SLC9A9: variants seen among roughly 807,000 people sequenced by gnomAD.
SLC9A9 encodes the protein solute carrier family 9 member A9.
A neutral mutation model predicts 77.8 loss-of-function variants in SLC9A9; 62 were observed. The observed-to-expected ratio is 0.80, with a 90% confidence interval of 0.65 to 0.98. The LOEUF (loss-of-function observed/expected upper bound fraction) is 0.98, where lower values mean the gene tolerates loss of function less well. Ranked by LOEUF, SLC9A9 falls within the 50% of genes least tolerant of loss-of-function variation. The probability of loss-of-function intolerance (pLI) is 0.00; values close to 1 mark genes in which losing one functional copy is unlikely to be tolerated. For synonymous variants in SLC9A9, 320 were observed against 283.5 expected (o/e 1.13, Z -1.29); for missense variants, 775 against 774.9 (o/e 1.00, Z 0.00).
intron 12 of SLC9A9, among the ~76,000 whole-genome samples, chr3:143,394,221 G>A (rs1171255839): frequency 1.3e-5 from 2 of 152,120 alleles, no homozygotes; most frequent in Non-Finnish European, 2.9e-5. Flanking sequence ...CTGGCAAACT[G>A]AATCCAGCGG....
At chr3:143,638,766 T>C (rs1289426202) in intron 6 of SLC9A9, among the ~76,000 whole-genome samples, 2 of 152,254 alleles carry the variant, frequency 1.3e-5, no homozygotes, top group South Asian at 2.1e-4. Context: ...GAATTCACCC[T>C]CTATTGCTGA....
intron 2 of SLC9A9, among the ~76,000 whole-genome samples, chr3:143,830,761 T>G (rs963413455): frequency 4.6e-5 from 7 of 152,178 alleles, no homozygotes; most frequent in African/African-American, 7.2e-5. Context: ...AATATTTATT[T>G]TAAAAGAGAT....
chr3:143,605,585 G>A (rs1465626227), intron 6 of SLC9A9, among the ~76,000 whole-genome samples: 1 of 152,238 alleles, frequency 6.6e-6, no homozygotes, highest in African/African-American at 2.4e-5. Flanking sequence ...GATTTAAGCT[G>A]TGTGTGGACT....
At chr3:143,514,997 A>G (rs1221526041) in intron 9 of SLC9A9, among the ~76,000 whole-genome samples, 1 of 152,128 alleles carries the variant, frequency 6.6e-6, no homozygotes, top group Admixed American at 6.5e-5. Flanking sequence ...TTCCTCACTA[A>G]GCTTAATCAT....
intron 8 of SLC9A9, among the ~76,000 whole-genome samples, chr3:143,555,769 T>A (rs536618031): frequency 1.2e-4 from 18 of 152,356 alleles, no homozygotes; most frequent in African/African-American, 4.3e-4. Flanking sequence ...GCATTGGTTA[T>A]CATTTCCTTG....
chr3:143,430,723 G>A (rs1256667057), intron 12 of SLC9A9, among the ~76,000 whole-genome samples: 1 of 152,210 alleles, frequency 6.6e-6, no homozygotes, highest in African/African-American at 2.4e-5. Flanking sequence ...TTGGTTAGCT[G>A]ACATACACCA....
chr3:143,670,310 C>A (rs1264390692), intron 5 of SLC9A9, among the ~76,000 whole-genome samples: 3 of 152,100 alleles, frequency 2.0e-5, no homozygotes, highest in Non-Finnish European at 4.4e-5. Context: ...CGGATGGAGC[C>A]CTGATGCAGT....
chr3:143,804,821 C>T (rs1232322478), intron 2 of SLC9A9, among the ~76,000 whole-genome samples: 2 of 152,200 alleles, frequency 1.3e-5, no homozygotes, highest in South Asian at 2.1e-4. Context: ...ACCTCTGTCA[C>T]GACCTTCCGT....
chr3:143,782,406 C>A (rs914119574), intron 4 of SLC9A9, among the ~76,000 whole-genome samples: 1 of 152,176 alleles, frequency 6.6e-6, no homozygotes, highest in Non-Finnish European at 1.5e-5. Context: ...TTCTAACAGG[C>A]TCCTGGTGCC....
chr3:143,377,517 C>T (rs140332780), intron 13 of SLC9A9, among the ~76,000 whole-genome samples: 11 of 152,256 alleles, frequency 7.2e-5, no homozygotes, highest in East Asian at 1.9e-4. Context: ...GTGACCAGAA[C>T]GGATCCACCC....
intron 6 of SLC9A9, among the ~76,000 whole-genome samples, chr3:143,598,107 CT>C (rs1000273447): frequency 4.5e-4 from 66 of 147,302 alleles, no homozygotes; most frequent in Admixed American, 6.1e-4. Context: ...CAACTTTTAT[CT>C]TTTTTTTTTT....
chr3:143,701,684 G>C (rs1933806109), intron 4 of SLC9A9, among the ~76,000 whole-genome samples: 1 of 151,966 alleles, frequency 6.6e-6, no homozygotes, highest in Non-Finnish European at 1.5e-5. Flanking sequence ...GCCTCAAAAG[G>C]GCAAATTTAA....
At chr3:143,453,932 G>T (rs963655637) in intron 12 of SLC9A9, among the ~76,000 whole-genome samples, 1 of 152,138 alleles carries the variant, frequency 6.6e-6, no homozygotes, top group African/African-American at 2.4e-5. Context: ...GGGTTTGAAG[G>T]AGGAAGTTTG....
At chr3:143,667,216 A>G (rs1298310202) in intron 5 of SLC9A9, among the ~76,000 whole-genome samples, 1 of 152,240 alleles carries the variant, frequency 6.6e-6, no homozygotes, top group African/African-American at 2.4e-5. Context: ...AACCTGACCA[A>G]AAAAGAAATG....
intron 4 of SLC9A9, among the ~76,000 whole-genome samples, chr3:143,767,663 C>A (rs1181149561): frequency 3.9e-5 from 6 of 152,088 alleles, no homozygotes; most frequent in Non-Finnish European, 7.4e-5. Flanking sequence ...TTTAGAATTT[C>A]TTTAATAGCA....
chr3:143,391,821 C>T (rs577080809), intron 12 of SLC9A9, among the ~76,000 whole-genome samples: 5 of 151,936 alleles, frequency 3.3e-5, no homozygotes, highest in Non-Finnish European at 7.4e-5. Flanking sequence ...CTTCAGTAGC[C>T]GATTTGATCA....
intron 12 of SLC9A9, among the ~76,000 whole-genome samples, chr3:143,443,169 G>A (rs555886621): frequency 3.0e-4 from 46 of 152,008 alleles, no homozygotes; most frequent in African/African-American, 1.1e-3. Flanking sequence ...TTGGGGGTGT[G>A]GGGGCTGGGG....
intron 4 of SLC9A9, among the ~76,000 whole-genome samples, chr3:143,725,271 C>T (rs943967614): frequency 6.6e-6 from 1 of 152,090 alleles, no homozygotes; most frequent in Admixed American, 6.5e-5. Context: ...AATAGGAACA[C>T]TTTTACACTG....
At chr3:143,813,983 G>A (rs1459740701) in intron 2 of SLC9A9, among the ~76,000 whole-genome samples, 1 of 152,156 alleles carries the variant, frequency 6.6e-6, no homozygotes, top group East Asian at 1.9e-4. Flanking sequence ...AGGTGGTTGC[G>A]ATAGAATGGA....
Sources: gnomAD v4.1 joint callset for allele counts (sites outside exome capture counted in the v4.1 genomes callset) on GRCh38, gnomAD v4.1.1 for gene constraint, MANE v1.5 for transcripts, NCBI Gene and HGNC (gene_info 2026-07-23, HGNC 2026-07-21) for gene names.